PRKCB: variants seen among roughly 807,000 people sequenced by gnomAD.
The protein encoded by PRKCB is protein kinase C beta.
PRKCB carries 13 observed loss-of-function variants against 81.5 expected under a neutral mutation model. That is an observed-to-expected ratio of 0.16 (90% CI 0.10 to 0.25). The LOEUF (loss-of-function observed/expected upper bound fraction) is 0.25. PRKCB is among the 10% of genes least tolerant of loss of function. The pLI, the probability that PRKCB is intolerant of heterozygous loss-of-function variation, is 1.00. For missense variants in PRKCB, 509 were observed against 875.7 expected, an observed-to-expected ratio of 0.58 and a Z score of 5.29; for synonymous variants, 335 against 321.4, an observed-to-expected ratio of 1.04 and a Z score of -0.45.
intron 2 of PRKCB, among the ~76,000 whole-genome samples, chr16:23,875,705 C>CAT (rs775964463): frequency 1.0e-5 from 1 of 99,514 alleles, no homozygotes; most frequent in South Asian, 4.2e-4. Context: ...GTATATCACA[C>CAT]ATATATATGT....
intron 6 of PRKCB, 146 bp downstream of exon 6, chr16:24,093,093 C>A: frequency 2.3e-6 from 2 of 877,242 alleles, no homozygotes; most frequent in Non-Finnish European, 3.3e-6. Context: ...TCACTCCTAT[C>A]TTTCCCTCCC....
chr16:24,118,632 TG>T (rs1315873408), intron 8 of PRKCB, among the ~76,000 whole-genome samples: 2 of 152,230 alleles, frequency 1.3e-5, no homozygotes, highest in Admixed American at 1.3e-4. Flanking sequence ...CCCCTCGTGC[TG>T]TCTGGAAGGT....
intron 9 of PRKCB, among the ~76,000 whole-genome samples, chr16:24,136,494 T>G (rs1163176824): frequency 1.3e-5 from 2 of 152,124 alleles, no homozygotes; most frequent in Non-Finnish European, 2.9e-5. Flanking sequence ...TGGGGGGTTG[T>G]AGGGGGGCCC....
chr16:24,109,277 G>A (rs1966635659), intron 7 of PRKCB, among the ~76,000 whole-genome samples: 1 of 66,938 alleles, frequency 1.5e-5, no homozygotes, highest in African/African-American at 7.1e-5. Context: ...GGCTGGCCGG[G>A]CGGGGGGCTG....
At chr16:23,989,928 T>A (rs1425418821) in intron 3 of PRKCB, among the ~76,000 whole-genome samples, 1 of 152,134 alleles carries the variant, frequency 6.6e-6, no homozygotes, top group African/African-American at 2.4e-5. Flanking sequence ...CTAGGAAAGA[T>A]TTTTCCTTTC....
intron 5 of PRKCB, among the ~76,000 whole-genome samples, chr16:24,069,917 C>T (rs760198186): frequency 9.8e-5 from 15 of 152,290 alleles, no homozygotes; most frequent in Non-Finnish European, 2.9e-5. Context: ...CCCGAGATGA[C>T]GTGATTCATG....
At chr16:24,050,877 A>G (rs559917861) in intron 5 of PRKCB, among the ~76,000 whole-genome samples, 3 of 152,070 alleles carry the variant, frequency 2.0e-5, no homozygotes, top group South Asian at 4.2e-4. Context: ...GATCAGTTAA[A>G]GCTCTCTTGT....
At chr16:24,068,029 G>A (rs1294772458) in intron 5 of PRKCB, among the ~76,000 whole-genome samples, 2 of 151,846 alleles carry the variant, frequency 1.3e-5, no homozygotes, top group African/African-American at 4.8e-5. Context: ...GGTGGTGATC[G>A]AGCTCACTGT....
intron 2 of PRKCB, among the ~76,000 whole-genome samples, chr16:23,940,710 G>C (rs1964130859): frequency 6.6e-6 from 1 of 151,986 alleles, no homozygotes; most frequent in East Asian, 1.9e-4. Context: ...CAACATGCAA[G>C]TTAGAAGTGA....
At chr16:24,072,258 T>G (rs1203232437) in intron 5 of PRKCB, among the ~76,000 whole-genome samples, 1 of 151,980 alleles carries the variant, frequency 6.6e-6, no homozygotes, top group Non-Finnish European at 1.5e-5. Context: ...CTGGCAACCA[T>G]CAATCTGCTT....
chr16:24,193,575 A>G (rs1476720227), intron 16 of PRKCB, among the ~76,000 whole-genome samples: 2 of 152,128 alleles, frequency 1.3e-5, no homozygotes, highest in African/African-American at 4.8e-5. Context: ...TCAGCCTCCC[A>G]AAGTACTAGG....
At chr16:23,879,465 T>A (rs1597224431) in intron 2 of PRKCB, among the ~76,000 whole-genome samples, 1 of 141,706 alleles carries the variant, frequency 7.1e-6, no homozygotes, top group Non-Finnish European at 1.6e-5. Flanking sequence ...ACCTTTGTTG[T>A]TGGTCCTTTA....
At chr16:23,924,569 T>C (rs576094853) in intron 2 of PRKCB, among the ~76,000 whole-genome samples, 1 of 152,178 alleles carries the variant, frequency 6.6e-6, no homozygotes, top group Admixed American at 6.5e-5. Context: ...CATATATTAA[T>C]TAATTTTTCA....
At chr16:24,052,089 A>G (rs1283643008) in intron 5 of PRKCB, among the ~76,000 whole-genome samples, 2 of 151,974 alleles carry the variant, frequency 1.3e-5, no homozygotes, top group Non-Finnish European at 2.9e-5. Context: ...AAAAAAAAAA[A>G]GACATAAAAT....
chr16:23,843,871 T>C (rs1962313021), intron 2 of PRKCB, among the ~76,000 whole-genome samples: 1 of 142,904 alleles, frequency 7.0e-6, no homozygotes, highest in African/African-American at 2.6e-5. Flanking sequence ...GGTTTGAAAA[T>C]AATTTTATAC....
rs200733012 is a variant in PRKCB at position 23,875,522 on chromosome 16, CAT to C, written c.205+38119_205+38120del. Among the ~76,000 whole-genome samples the C allele has an allele frequency of 1.2e-3, 123 of 101,024 alleles. 5 individuals are homozygous for C. The highest frequency in any genetic ancestry group is 3.0e-3 in the African/African-American group (97 of 32,164). 66.3% of individuals were successfully genotyped at this position (101,024 alleles called of 152,430 possible). A position where few individuals can be genotyped will look rare whatever the true frequency, so the allele number is the denominator to read the frequency against. ...ATATATATATGATGTATATCACACA[CAT>C]ATGTGTATATCACACACATATGTAT... On this transcript the variant is annotated intron_variant, in intron 2 of 16. Transcript: ENST00000643927.
intron 7 of PRKCB, among the ~76,000 whole-genome samples, chr16:24,107,563 C>T (rs1002433107): frequency 1.3e-5 from 2 of 152,184 alleles, no homozygotes; most frequent in African/African-American, 2.4e-5. Context: ...ATCTTCCTCA[C>T]GTTGGTTCTG....
intron 12 of PRKCB, among the ~76,000 whole-genome samples, chr16:24,176,797 G>A (rs1346557834): frequency 2.0e-5 from 3 of 151,936 alleles, no homozygotes; most frequent in Non-Finnish European, 4.4e-5. Context: ...GGGAGGCTGA[G>A]GCAGGAGAAT....
chr16:24,085,022 C>A lies in PRKCB; in HGVS notation c.530-7769C>A, dbSNP rs548516672. 3.3e-5 allele frequency among the ~76,000 whole-genome samples: 5 copies of A among 152,078 alleles called. No individual in the cohort carries two copies. In the East Asian group the frequency reaches 9.7e-4, roughly 29 times the overall value. On this transcript the variant is annotated intron_variant, in intron 5 of 16. Transcript: ENST00000643927. ...AGACAGGAAGGTAAGGACATTTAAG[C>A]CACTGGTCAGAAGCGATTGAATGGC...
Sources: allele counts gnomAD v4.1 joint callset (sites outside exome capture counted in the v4.1 genomes callset), GRCh38; gene constraint gnomAD v4.1.1; transcripts MANE v1.5; gene names NCBI Gene and HGNC (gene_info 2026-07-23, HGNC 2026-07-21).